The following CPNE4 variants were observed in gnomAD, a reference collection of about 807,000 sequenced individuals.
CPNE4 encodes the protein copine-4.
Under a neutral mutation model 67.9 loss-of-function variants are expected in CPNE4, and 25 were observed. That is an observed-to-expected ratio of 0.37 (90% CI 0.27 to 0.51). CPNE4 has a LOEUF of 0.51. Ranked by LOEUF, CPNE4 falls within the 20% of genes least tolerant of loss-of-function variation. CPNE4 has a pLI of 0.93. For missense variants in CPNE4, 464 were observed against 690.8 expected, an observed-to-expected ratio of 0.67 and a Z score of 3.68; for synonymous variants, 242 against 244.9, an observed-to-expected ratio of 0.99 and a Z score of 0.11.
chr3:131,790,833 CT>C (rs2083698053), intron 2 of CPNE4, among the ~76,000 whole-genome samples: 1 of 152,118 alleles, frequency 6.6e-6, no homozygotes, highest in Non-Finnish European at 1.5e-5. Flanking sequence ...TGTAACCTTC[CT>C]TTTGCCCCTT....
intron 7 of CPNE4, among the ~76,000 whole-genome samples, chr3:131,668,309 G>A (rs1325193430): frequency 1.3e-5 from 2 of 152,158 alleles, no homozygotes; most frequent in South Asian, 4.1e-4. Context: ...AAGGTTTGTG[G>A]GGCAAAAGTA....
At chr3:132,003,903 T>C (rs941183456) in intron 1 of CPNE4, among the ~76,000 whole-genome samples, 1 of 152,092 alleles carries the variant, frequency 6.6e-6, no homozygotes, top group African/African-American at 2.4e-5. Flanking sequence ...AGCATTTTAA[T>C]TGCAAGATGG....
chr3:131,990,949 C>T lies in CPNE4; in HGVS notation c.-2+43618G>A, dbSNP rs767815549. Among the ~76,000 whole-genome samples, 9 of 136,150 alleles carry T rather than the reference C, an allele frequency of 6.6e-5. 2 individuals are homozygous for T. Among genetic ancestry groups the T allele is most frequent in the Non-Finnish European group, 1.7e-5 (1 of 59,980 alleles). 89.3% of individuals were successfully genotyped at this position (136,150 alleles called of 152,430 possible). On this transcript the variant is annotated intron_variant, in intron 1 of 15. Transcript: ENST00000429747. ...GATGGTTTTATAAGGGGCTTTCCCC[C>T]CTTTGTTCAGCACTTCTCCTTTCTG... is the stretch of plus-strand genomic sequence containing the variant.
At chr3:131,786,714 A>G (rs146689093) in intron 2 of CPNE4, among the ~76,000 whole-genome samples, 28 of 152,276 alleles carry the variant, frequency 1.8e-4, no homozygotes, top group Non-Finnish European at 3.7e-4. Context: ...TAAACTTTCT[A>G]AGAAAATAGG....
At chr3:131,680,838 G>A (rs892410951) in intron 6 of CPNE4, among the ~76,000 whole-genome samples, 1 of 151,874 alleles carries the variant, frequency 6.6e-6, no homozygotes, top group African/African-American at 2.4e-5. Flanking sequence ...CCTTTCCCCT[G>A]CGTCCCCACA....
At chr3:131,606,785 G>C (rs1271593130) in intron 7 of CPNE4, among the ~76,000 whole-genome samples, 1 of 150,884 alleles carries the variant, frequency 6.6e-6, no homozygotes, top group East Asian at 1.9e-4. Flanking sequence ...ACTTACTCCA[G>C]CCACCCTCTA....
At chr3:131,646,821 C>G (rs2079679866) in intron 7 of CPNE4, among the ~76,000 whole-genome samples, 1 of 152,204 alleles carries the variant, frequency 6.6e-6, no homozygotes. Context: ...TGAGGACAAG[C>G]TCTGAAAAGT....
Position 131,680,722 on chromosome 3 carries a change from ATGAG to A in CPNE4, c.591+5149_591+5152del, listed in dbSNP as rs1168813637. Among the ~76,000 whole-genome samples, 5 of 152,074 alleles carry A rather than the reference ATGAG, an allele frequency of 3.3e-5. No individual in the cohort carries two copies. In the East Asian group the frequency reaches 9.7e-4, roughly 29 times the overall value. ...TTGGGGGCAGGTGGTATTTGGTTAC[ATGAG>A]TAAGTTCTTTAGTGGTGATTTGTGA... On this transcript the variant is annotated intron_variant, in intron 6 of 15. Coordinates refer to ENST00000429747, the MANE Select transcript of CPNE4 (RefSeq NM_130808.3).
chr3:131,833,609 G>A (rs2085456598), intron 2 of CPNE4, among the ~76,000 whole-genome samples: 1 of 152,224 alleles, frequency 6.6e-6, no homozygotes, highest in African/African-American at 2.4e-5. Context: ...TGAGGCAGGA[G>A]AATCACCTGA....
At chr3:131,614,105 G>T (rs1301334388) in intron 7 of CPNE4, among the ~76,000 whole-genome samples, 1 of 152,168 alleles carries the variant, frequency 6.6e-6, no homozygotes, top group African/African-American at 2.4e-5. Flanking sequence ...GCCCAAGTCA[G>T]TGGGTAAGGG....
chr3:131,689,811 A>C (rs2080988762), intron 5 of CPNE4, among the ~76,000 whole-genome samples: 1 of 152,350 alleles, frequency 6.6e-6, no homozygotes, highest in South Asian at 2.1e-4. Flanking sequence ...TACCTAGAAA[A>C]CCCTAAAGAC....
intron 3 of CPNE4, among the ~76,000 whole-genome samples, chr3:131,706,880 T>A (rs952740990): frequency 1.8e-4 from 27 of 152,244 alleles, no homozygotes; most frequent in African/African-American, 6.3e-4. Context: ...CTATCTATGA[T>A]CCCAATGCCC....
chr3:131,863,007 C>T (rs979649160), intron 2 of CPNE4, among the ~76,000 whole-genome samples: 19 of 151,472 alleles, frequency 1.3e-4, no homozygotes, highest in Admixed American at 7.9e-4. Flanking sequence ...TGGTTTCCAG[C>T]TTCATCCATG....
intron 2 of CPNE4, among the ~76,000 whole-genome samples, chr3:131,857,527 G>A (rs1583338236): frequency 6.6e-6 from 1 of 151,888 alleles, no homozygotes; most frequent in African/African-American, 2.4e-5. Context: ...GACTTTGGGG[G>A]GATATTTCTC....
At chr3:131,666,821 A>C (rs1465354248) in intron 7 of CPNE4, among the ~76,000 whole-genome samples, 1 of 152,102 alleles carries the variant, frequency 6.6e-6, no homozygotes, top group African/African-American at 2.4e-5. Context: ...GGGGAGCGAG[A>C]ACGAACTGAT....
At chr3:131,838,856 T>C (rs1374442174) in intron 2 of CPNE4, among the ~76,000 whole-genome samples, 2 of 151,856 alleles carry the variant, frequency 1.3e-5, no homozygotes, top group African/African-American at 4.8e-5. Context: ...CATATGTGAA[T>C]GTATTTAGTA....
At chr3:131,603,419 G>T (rs1372668425) in intron 7 of CPNE4, among the ~76,000 whole-genome samples, 2 of 152,152 alleles carry the variant, frequency 1.3e-5, no homozygotes, top group Non-Finnish European at 2.9e-5. Flanking sequence ...ATGAATGAGT[G>T]AGTGAACAAA....
At chr3:131,952,822 T>C (rs980221660) in intron 1 of CPNE4, among the ~76,000 whole-genome samples, 19 of 152,270 alleles carry the variant, frequency 1.2e-4, no homozygotes, top group East Asian at 3.9e-4. Flanking sequence ...GGGGAAAAGA[T>C]TGAGAAATCG....
intron 7 of CPNE4, among the ~76,000 whole-genome samples, chr3:131,668,046 T>G (rs1345282092): frequency 1.3e-5 from 2 of 152,146 alleles, no homozygotes; most frequent in Non-Finnish European, 2.9e-5. Context: ...AATCCTGATT[T>G]TGGCTTGAAG....
Sources: gnomAD v4.1 joint callset for allele counts (sites outside exome capture counted in the v4.1 genomes callset) on GRCh38, gnomAD v4.1.1 for gene constraint, MANE v1.5 for transcripts, NCBI Gene and HGNC (gene_info 2026-07-23, HGNC 2026-07-21) for gene names.